CNBD2: variants seen among roughly 807,000 people sequenced by gnomAD.
CNBD2 encodes the protein cyclic nucleotide-binding domain-containing protein 2.
Under a neutral mutation model 63.7 loss-of-function variants are expected in CNBD2, and 64 were observed. That is an observed-to-expected ratio of 1.00 (90% CI 0.82 to 1.24). The LOEUF is 1.24. Among genes scored for constraint, CNBD2 ranks in the 50% most tolerant of loss-of-function variants. The pLI, the probability that CNBD2 is intolerant of heterozygous loss-of-function variation, is 0.00. For synonymous variants in CNBD2, 229 were observed against 255.4 expected, an observed-to-expected ratio of 0.90 and a Z score of 0.99; for missense variants, 691 against 713.5, an observed-to-expected ratio of 0.97 and a Z score of 0.36.
chr20:36,002,612 A>C (rs2590981), intron 8 of CNBD2, among the ~76,000 whole-genome samples: 5,460 of 151,076 alleles, frequency 0.036, 351 homozygotes, highest in African/African-American at 0.13. Flanking sequence ...TTTTGTATAA[A>C]CTCTTTATAT....
chr20:35,998,436 G>A (rs2147283907), intron 8 of CNBD2, among the ~76,000 whole-genome samples: 1 of 152,202 alleles, frequency 6.6e-6, no homozygotes, highest in Admixed American at 6.5e-5. Flanking sequence ...AGTCTGTCTT[G>A]GTAAATGTTT....
At chr20:36,018,409 G>A (rs1208329583) in intron 10 of CNBD2, among the ~76,000 whole-genome samples, 1 of 152,128 alleles carries the variant, frequency 6.6e-6, no homozygotes, top group Non-Finnish European at 1.5e-5. Flanking sequence ...TCCCACATAG[G>A]GCCAGCACAT....
chr20:36,029,292 T>C (rs1480726614), intron 11 of CNBD2, among the ~76,000 whole-genome samples: 1 of 152,158 alleles, frequency 6.6e-6, no homozygotes, highest in Non-Finnish European at 1.5e-5. Flanking sequence ...ATTAAATGAG[T>C]TCACAAATGT....
rs374313778 is a variant in CNBD2 at position 35,992,816 on chromosome 20, CT to C, written c.856-2213del. Among the ~76,000 whole-genome samples, 768 of 145,670 alleles carry C rather than the reference CT, an allele frequency of 5.3e-3. 5 individuals are homozygous for C. The highest frequency in any genetic ancestry group is 0.019 in the African/African-American group (733 of 39,590). On this transcript the variant is annotated intron_variant, in intron 7 of 11. Coordinates refer to ENST00000373973, the MANE Select transcript of CNBD2 (RefSeq NM_001365709.1). ...CCTCTAAAGGACTGCTCTTTTCTCT[CT>C]TTTTTTTTCCTGCCTGGCCAGCGTT...
At chr20:36,026,205 T>G (rs2057281500) in intron 11 of CNBD2, among the ~76,000 whole-genome samples, 1 of 152,076 alleles carries the variant, frequency 6.6e-6, no homozygotes, top group African/African-American at 2.4e-5. Context: ...GGCTAATTTT[T>G]TTGTATTTTT....
At chr20:35,988,499 T>C (rs1050537688) in intron 7 of CNBD2, among the ~76,000 whole-genome samples, 1 of 152,194 alleles carries the variant, frequency 6.6e-6, no homozygotes, top group African/African-American at 2.4e-5. Context: ...GTAAAAGTGA[T>C]ATGACCACAT....
downstream of CNBD2, among the ~76,000 whole-genome samples, chr20:35,955,791 G>A (rs1264949112): frequency 6.6e-6 from 1 of 151,930 alleles, no homozygotes; most frequent in Non-Finnish European, 1.5e-5. Flanking sequence ...TTTTTGTTTT[G>A]AGACTGAGTC....
intron 10 of CNBD2, among the ~76,000 whole-genome samples, chr20:36,020,408 C>G (rs572657860): frequency 2.4e-4 from 36 of 152,270 alleles, no homozygotes; most frequent in Non-Finnish European, 4.4e-5. Context: ...TTAACCTCAG[C>G]ATCCTCACCT....
In CNBD2 at chr20:35,972,667, C is replaced by T. The variant is rs745399428; in HGVS notation, c.90C>T (p.Ile30=). Residue 30 remains isoleucine (I), a synonymous_variant, in exon 2 of 12, where the codon ATC becomes ATT. Transcript: ENST00000373973. ...TCGCCATGGATATCATCATAATGAT[C>T]CGAGTGTGTAAAATGTTCCGCCAAG... is the stretch of plus-strand genomic sequence containing the variant. ...YQLAMDIIIM[I]RVCKMFRQGL... 1.8e-5 allele frequency: 29 copies of T among 1,613,810 alleles called. No individual in the cohort carries two copies. Among genetic ancestry groups the T allele is most frequent in the Non-Finnish European group, 2.3e-5 (27 of 1,179,916 alleles).
At position 35,984,681 on chromosome 20, in the gene CNBD2, G is replaced by T. The variant is rs1267705414; in HGVS notation, c.619G>T (p.Glu207Ter). Residue 207 changes from glutamate (E) to a stop codon, truncating the protein, a stop_gained, in exon 6 of 12, where the codon GAA (glutamate) becomes TAA (stop). Transcript: ENST00000373973. LOFTEE classifies it high-confidence loss of function. ...VRRSTIVCME[E>*]TEFLVVDRED... ...GAGGTCCACCATCGTCTGTATGGAA[G>T]AAACGGAGTTCCTGGTTGTTGACCG... 1.2e-6 allele frequency: 2 copies of T among 1,614,092 alleles called. No individual in the cohort carries two copies. Among genetic ancestry groups the T allele is most frequent in the Non-Finnish European group, 1.7e-6 (2 of 1,180,036 alleles).
chr20:36,027,810 G>A (rs534206809), intron 11 of CNBD2, among the ~76,000 whole-genome samples: 1 of 151,922 alleles, frequency 6.6e-6, no homozygotes, highest in Admixed American at 6.6e-5. Context: ...CAAGTAGATG[G>A]GATTACAGGC....
At chr20:36,004,078 G>C (rs1273090672) in intron 8 of CNBD2, among the ~76,000 whole-genome samples, 1 of 152,074 alleles carries the variant, frequency 6.6e-6, no homozygotes, top group Non-Finnish European at 1.5e-5. Flanking sequence ...TGCCCAAGAT[G>C]GAAGCCACAG....
intron 10 of CNBD2, among the ~76,000 whole-genome samples, chr20:36,016,788 C>CA (rs534778243): frequency 0.014 from 903 of 62,596 alleles, 6 homozygotes; most frequent in East Asian, 0.021. Context: ...GACTCTGTCT[C>CA]AAAAAAAAAA....
chr20:36,026,671 G>C (rs1342785321), intron 11 of CNBD2, among the ~76,000 whole-genome samples: 1 of 152,256 alleles, frequency 6.6e-6, no homozygotes, highest in East Asian at 1.9e-4. Flanking sequence ...TGGCCCTTTT[G>C]CCTGAAATGC....
intron 8 of CNBD2, among the ~76,000 whole-genome samples, chr20:35,997,138 C>G (rs188032599): frequency 6.6e-6 from 1 of 152,176 alleles, no homozygotes; most frequent in African/African-American, 2.4e-5. Flanking sequence ...CTCTGCAGAT[C>G]TTTTTGTGTC....
chr20:36,022,345 C>T (rs913882357), intron 10 of CNBD2, among the ~76,000 whole-genome samples: 1 of 151,246 alleles, frequency 6.6e-6, no homozygotes, highest in Non-Finnish European at 1.5e-5. Context: ...ACTACAGGCA[C>T]GTGCCACCAT....
Position 35,972,688 on chromosome 20 carries a change from C to T in CNBD2, c.111C>T (p.Arg37=). The change falls in exon 2 of 12, where the codon CGC becomes CGT. Residue 37 remains arginine, a synonymous_variant. Transcript: ENST00000373973. ...TGATCCGAGTGTGTAAAATGTTCCG[C>T]CAAGGCCTCAGGGGATTCCGGGAAT... The part of the protein sequence containing the change: ...IIMIRVCKMF[R]QGLRGFREYQ... 2 of 1,614,032 alleles carry T rather than the reference C, an allele frequency of 1.2e-6. No individual in the cohort carries two copies. The highest frequency in any genetic ancestry group is 2.2e-5 in the East Asian group (1 of 44,888).
At chr20:36,018,480 C>T (rs1390006693) in intron 10 of CNBD2, among the ~76,000 whole-genome samples, 1 of 152,182 alleles carries the variant, frequency 6.6e-6, no homozygotes, top group African/African-American at 2.4e-5. Context: ...CTGCGGATGC[C>T]TTCGTGAGGT....
chr20:35,977,754 G>GA (rs1309478419), intron 3 of CNBD2, among the ~76,000 whole-genome samples: 5 of 152,328 alleles, frequency 3.3e-5, no homozygotes, highest in African/African-American at 1.2e-4. Flanking sequence ...TCTTTGGGGT[G>GA]ATGAAAAGCT....
Sources: allele counts gnomAD v4.1 joint callset (sites outside exome capture counted in the v4.1 genomes callset), GRCh38; gene constraint gnomAD v4.1.1; transcripts MANE v1.5; gene names NCBI Gene and HGNC (gene_info 2026-07-23, HGNC 2026-07-21).